BRCA1: variants seen among roughly 807,000 people sequenced by gnomAD.
BRCA1 encodes breast cancer type 1 susceptibility protein.
A neutral mutation model predicts 173.7 loss-of-function variants in BRCA1; 140 were observed. The observed-to-expected ratio is 0.81, with a 90% CI of 0.70 to 0.93. The LOEUF is 0.93. Ranked by LOEUF, BRCA1 falls within the 40% of genes least tolerant of loss-of-function variation. The probability of loss-of-function intolerance (pLI) is 0.00; values close to 1 mark genes in which losing one functional copy is unlikely to be tolerated. For synonymous variants in BRCA1, 662 were observed against 756.0 expected (o/e 0.88, Z 2.04); for missense variants, 1,983 against 2,172.5 (o/e 0.91, Z 1.73).
intron 11 of BRCA1, among the ~76,000 whole-genome samples, chr17:43,083,120 G>A (rs2053093295): frequency 6.6e-6 from 1 of 151,786 alleles, no homozygotes; most frequent in Admixed American, 6.6e-5. Flanking sequence ...ACTGGCTTGT[G>A]AGGACTCTTC....
chr17:43,048,075 T>C (rs2051013616), intron 21 of BRCA1, among the ~76,000 whole-genome samples: 1 of 152,124 alleles, frequency 6.6e-6, no homozygotes, highest in African/African-American at 2.4e-5. Flanking sequence ...AATAATTTTT[T>C]TGTAGACATG....
At chr17:43,061,042 C>T (rs113657329) in intron 18 of BRCA1, among the ~76,000 whole-genome samples, 102 of 152,232 alleles carry the variant, frequency 6.7e-4, no homozygotes, top group African/African-American at 2.3e-3. Flanking sequence ...AGGAGAATTG[C>T]TTGAACCCAG....
At chr17:43,048,387 G>C (rs1056192449) in intron 21 of BRCA1, among the ~76,000 whole-genome samples, 12 of 152,030 alleles carry the variant, frequency 7.9e-5, no homozygotes, top group Non-Finnish European at 1.3e-4. Context: ...ATTTTTAGTA[G>C]AGACGGGGTT....
In BRCA1 at chr17:43,085,995, T is replaced by A. The variant is rs8176174; in HGVS notation, c.4186-3420A>T. On this transcript the variant is annotated intron_variant, in intron 11 of 22. Coordinates refer to ENST00000357654, the MANE Select transcript of BRCA1 (RefSeq NM_007294.4). ...TTATCATGCTAGTTTTGTCGACATG[T>A]TGTGAATATTTTCAAATATACAGAA... Among the ~76,000 whole-genome samples the A allele has an allele frequency of 9.4e-3, 1,432 of 152,234 alleles. 19 individuals are homozygous for A. The highest frequency in any genetic ancestry group is 0.033 in the African/African-American group (1,351 of 41,524).
intron 1 of BRCA1, among the ~76,000 whole-genome samples, chr17:43,131,675 C>T (rs1177914960): frequency 6.6e-6 from 1 of 151,232 alleles, no homozygotes. Flanking sequence ...GAGCCGAGAT[C>T]GTGCCACTGC....
intron 16 of BRCA1, among the ~76,000 whole-genome samples, chr17:43,065,190 T>C (rs1004983169): frequency 2.6e-5 from 4 of 152,174 alleles, no homozygotes; most frequent in Non-Finnish European, 4.4e-5. Flanking sequence ...TAAACTTTAA[T>C]GACATTTTTC....
In BRCA1 at chr17:43,104,722, T is replaced by G. The variant is rs571713225; in HGVS notation, c.301+146A>C. 1.1e-4 allele frequency: 82 copies of G among 737,704 alleles called. No homozygotes were observed. In the African/African-American group the frequency reaches 1.2e-3, roughly 11 times the overall value. The allele number at this position is 737,704 out of a possible 1,614,324, so 45.7% of individuals were successfully genotyped here. On this transcript the variant is annotated intron_variant, in intron 5 of 22. Coordinates refer to ENST00000357654, the MANE Select transcript of BRCA1 (RefSeq NM_007294.4). ...TAAGGTGTGAGACCAGTGGGAGTAA[T>G]TTTTTAAAAATAGATTACAGATACA...
chr17:43,137,117 T>G (rs1424655120), intron 1 of BRCA1, among the ~76,000 whole-genome samples: 2 of 152,046 alleles, frequency 1.3e-5, no homozygotes, highest in Non-Finnish European at 2.9e-5. Context: ...AATGATGAGT[T>G]CATGTCCTTT....
In BRCA1 at chr17:43,092,671, G is replaced by A. The variant is rs730881452; in HGVS notation, c.2860C>T (p.Leu954=). 22 of 1,613,926 alleles carry A rather than the reference G, an allele frequency of 1.4e-5. No homozygotes were observed. Among genetic ancestry groups the A allele is most frequent in the Non-Finnish European group, 1.7e-5 (20 of 1,180,010 alleles). Residue 954 remains leucine (L), a synonymous_variant, in exon 10 of 23, where the codon CTA becomes TTA. Transcript: ENST00000357654. ...CSIKGGSRFC[L]SSQFRGNETG... The stretch of plus-strand genomic sequence containing the variant: ...TCGTTGCCTCTGAACTGAGATGATA[G>A]ACAAAACCTAGAGCCTCCTTTGATA...
intron 11 of BRCA1, among the ~76,000 whole-genome samples, chr17:43,083,716 T>C (rs1344047453): frequency 2.0e-5 from 3 of 152,148 alleles, no homozygotes; most frequent in Non-Finnish European, 4.4e-5. Context: ...ATAGTTACTG[T>C]TTTTAAAATA....
chr17:43,145,072 A>C (rs2056110585), intron 1 of BRCA1: 1 of 813,916 alleles, frequency 1.2e-6, no homozygotes, highest in African/African-American at 1.7e-5. Flanking sequence ...CGAAAAAGGC[A>C]GCAGCGAAGG....
At position 43,076,518 on chromosome 17, in the gene BRCA1, G is replaced by A. The variant is rs80356870; in HGVS notation, c.4454C>T (p.Thr1485Ile). 6.2e-7 allele frequency: 1 copy of A among 1,613,616 alleles called. No homozygotes were observed. Among genetic ancestry groups the A allele is most frequent in the South Asian group, 1.1e-5 (1 of 91,062 alleles). ...CACTCCTGGTTCTTTATTTTTACTG[G>A]TAGAACTATCTGCAGACACCTCAAA... ...DKFEVSADSSTSKNKEPGVER... is the reference protein window; with the variant it reads ...DKFEVSADSSISKNKEPGVER... Residue 1485 changes from threonine to isoleucine, a missense_variant, in exon 13 of 23, where the codon ACC (threonine) becomes ATC (isoleucine). Thr to Ile is a moderately conservative substitution (Grantham distance 89). Transcript: ENST00000357654.
At chr17:43,104,012 C>G (rs917306070) in intron 6 of BRCA1, 110 bp downstream of exon 6, 3 of 1,367,708 alleles carry the variant, frequency 2.2e-6, no homozygotes, top group Admixed American at 4.1e-5. Flanking sequence ...GGGGCTAAGG[C>G]AGGAGGACTG....
At chr17:43,133,529 TC>T (rs2055988735) in intron 1 of BRCA1, among the ~76,000 whole-genome samples, 2 of 152,296 alleles carry the variant, frequency 1.3e-5, no homozygotes, top group South Asian at 2.1e-4. Context: ...ATGTGAACTG[TC>T]CTTGCAAATG....
In BRCA1 at chr17:43,106,633, C is replaced by T. The variant is rs540186719; in HGVS notation, c.135-100G>A. The T allele has an allele frequency of 1.4e-4, 115 of 834,848 alleles. 2 individuals carry two copies. In the East Asian group the frequency reaches 2.6e-3, roughly 19 times the overall value. 51.7% of individuals were successfully genotyped at this position (834,848 alleles called of 1,614,324 possible). A position where few individuals can be genotyped will look rare whatever the true frequency, so the allele number is the denominator to read the frequency against. ...CCATGAAAAGATAATCTCACAACTGCCCTTAAGAGCCATTTAAAAAGTAAT... is the reference window on the plus strand; with the variant it reads ...CCATGAAAAGATAATCTCACAACTGTCCTTAAGAGCCATTTAAAAAGTAAT... On this transcript the variant is annotated intron_variant, in intron 3 of 22. Transcript: ENST00000357654.
intron 18 of BRCA1, among the ~76,000 whole-genome samples, chr17:43,060,082 GT>G (rs911214336): frequency 6.6e-6 from 1 of 151,132 alleles, no homozygotes; most frequent in Non-Finnish European, 1.5e-5. Flanking sequence ...ATTTTTTTTT[GT>G]TTTTGAGATG....
chr17:43,167,148 C>A (rs1175351234), intron 1 of BRCA1: 3 of 152,304 alleles, frequency 2.0e-5, no homozygotes, highest in Admixed American at 1.3e-4. Context: ...TGGTTGGAGT[C>A]CCCTGCAGGG....
rs763740623 is a variant in BRCA1 at position 43,045,683 on chromosome 17, A to T, written c.5587T>A (p.Tyr1863Asn). ...GTACCTGTGGCTGGCTGCAGTCAGT[A>T]GTGGCTGTGGGGGATCTGGGGTATC... is the stretch of plus-strand genomic sequence containing the variant. ...YLIPQIPHSH[Y>N] Residue 1863 changes from tyrosine (Y) to asparagine (N), a missense_variant, in exon 23 of 23, where the codon TAC (tyrosine) becomes AAC (asparagine). Physicochemically the swap from Tyr to Asn is moderately radical, Grantham distance 143. Coordinates refer to ENST00000357654, the MANE Select transcript of BRCA1 (RefSeq NM_007294.4). The T allele has an allele frequency of 1.2e-6, 2 of 1,613,738 alleles. No homozygotes were observed. Among genetic ancestry groups the T allele is most frequent in the South Asian group, 1.1e-5 (1 of 91,046 alleles).
intron 14 of BRCA1, 94 bp downstream of exon 14, chr17:43,074,237 T>G: frequency 1.6e-6 from 2 of 1,277,822 alleles, no homozygotes; most frequent in South Asian, 2.5e-5. Context: ...CATGATAGAC[T>G]AGTACATCTA....
Sources: allele counts gnomAD v4.1 joint callset (sites outside exome capture counted in the v4.1 genomes callset), GRCh38; gene constraint gnomAD v4.1.1; transcripts MANE v1.5; gene names NCBI Gene and HGNC (gene_info 2026-07-23, HGNC 2026-07-21).